The following ATRX variants were observed in gnomAD, a reference collection of about 807,000 sequenced individuals.
The protein encoded by ATRX is ATRX chromatin remodeler.
A neutral mutation model predicts 172.6 loss-of-function variants in ATRX; 12 were observed. That is an observed-to-expected ratio of 0.07 (90% CI 0.04 to 0.11). ATRX has a LOEUF of 0.11. Ranked by LOEUF, ATRX falls within the 10% of genes least tolerant of loss-of-function variation. ATRX has a pLI of 1.00. For synonymous variants in ATRX, 674 were observed against 594.7 expected (o/e 1.13, Z -1.94); for missense variants, 1,368 against 1,767.4 (o/e 0.77, Z 4.05).
chrX:77,565,391 AAGACAATCAAC>A (rs2065162595), intron 28 of ATRX, among the ~76,000 whole-genome samples: 2 of 112,580 alleles, frequency 1.8e-5, no homozygotes, highest in Admixed American at 1.9e-4. Flanking sequence ...TCAACGAGAA[AAGACAATCAAC>A]AGACACCAAC....
intron 1 of ATRX, among the ~76,000 whole-genome samples, chrX:77,785,262 G>A (rs892602200): frequency 9.0e-6 from 1 of 110,978 alleles, no homozygotes; most frequent in Non-Finnish European, 1.9e-5. Flanking sequence ...CCCAGAAAGT[G>A]GGGAAACACT....
chrX:77,592,454 T>A (rs1178392258), intron 26 of ATRX, among the ~76,000 whole-genome samples: 2 of 100,959 alleles, frequency 2.0e-5, no homozygotes, highest in Non-Finnish European at 4.0e-5. Context: ...CTTTTAAAAA[T>A]CGTTTATAAT....
At chrX:77,577,788 A>G (rs2065675337) in intron 27 of ATRX, among the ~76,000 whole-genome samples, 1 of 111,939 alleles carries the variant, frequency 8.9e-6, no homozygotes, top group Admixed American at 9.5e-5. Flanking sequence ...AGGAGGTGGA[A>G]TAAGATGGCT....
At chrX:77,768,603 TAGA>T (rs1427540770) in intron 1 of ATRX, among the ~76,000 whole-genome samples, 3 of 111,731 alleles carry the variant, frequency 2.7e-5, no homozygotes, top group African/African-American at 9.8e-5. Flanking sequence ...ATGTTTCCTT[TAGA>T]AGAAGACATT....
intron 2 of ATRX, among the ~76,000 whole-genome samples, chrX:77,700,568 C>A (rs1557152912): frequency 8.9e-6 from 1 of 112,379 alleles, no homozygotes; most frequent in African/African-American, 3.2e-5. Context: ...ATGTAAACAT[C>A]TTCATTTACT....
intron 1 of ATRX, among the ~76,000 whole-genome samples, chrX:77,725,255 T>C (rs190650127): frequency 2.7e-4 from 30 of 111,943 alleles, no homozygotes; most frequent in Admixed American, 2.2e-3. Flanking sequence ...AACAGCATGG[T>C]ACTGGTACCA....
chrX:77,739,217 T>C (rs1368886605), intron 1 of ATRX, among the ~76,000 whole-genome samples: 1 of 110,645 alleles, frequency 9.0e-6, no homozygotes, highest in Non-Finnish European at 1.9e-5. Flanking sequence ...AGCTCCTACT[T>C]ATGAGCGAGA....
At chrX:77,576,435 T>C (rs1442957310) in intron 27 of ATRX, among the ~76,000 whole-genome samples, 4 of 110,717 alleles carry the variant, frequency 3.6e-5, no homozygotes, top group African/African-American at 9.8e-5. Flanking sequence ...GTTAAAGATA[T>C]GCCAAAAACT....
chrX:77,525,643 T>A (rs2063355949), intron 30 of ATRX, among the ~76,000 whole-genome samples: 1 of 112,413 alleles, frequency 8.9e-6, no homozygotes, highest in Non-Finnish European at 1.9e-5. Flanking sequence ...GAAAACTGTA[T>A]ACTAGGAACT....
chrX:77,578,880 T>C (rs1405252719), intron 27 of ATRX, among the ~76,000 whole-genome samples: 1 of 111,882 alleles, frequency 8.9e-6, no homozygotes, highest in Non-Finnish European at 1.9e-5. Flanking sequence ...ATGGAATTTG[T>C]GGACTGAGCC....
intron 2 of ATRX, among the ~76,000 whole-genome samples, chrX:77,711,448 TA>T (rs1340668715): frequency 1.7e-4 from 19 of 112,325 alleles, no homozygotes; most frequent in African/African-American, 5.5e-4. Flanking sequence ...ACTGTCTAAG[TA>T]GAAAATCCCA....
At position 77,683,340 on chromosome X, in the gene ATRX, A is replaced by C. The variant is rs782466998; in HGVS notation, c.1916T>G (p.Leu639Trp). ...AAGTAATGAAACTTCATTTTCAACCAAATGCTCATTATCACTGTTTTCCTG... is the reference window on the plus strand; with the variant it reads ...AAGTAATGAAACTTCATTTTCAACCCAATGCTCATTATCACTGTTTTCCTG... ...LGQENSDNEH[L>W]VENEVSLLLE... The change falls in exon 9 of 35, where the codon TTG becomes TGG. Residue 639 changes from leucine (L) to tryptophan (W), a missense_variant. This residue lies in a region of ATRX where 843 missense variants were observed against 643.1 expected (regional missense o/e 1.31). Transcript: ENST00000373344. 3.3e-6 allele frequency: 4 copies of C among 1,211,273 alleles called. No individual in the cohort carries two copies. Among genetic ancestry groups the C allele is most frequent in the Non-Finnish European group, 3.4e-6 (3 of 895,335 alleles).
chrX:77,571,925 T>A (rs1421771027), intron 28 of ATRX, among the ~76,000 whole-genome samples: 1 of 111,830 alleles, frequency 8.9e-6, no homozygotes, highest in Non-Finnish European at 1.9e-5. Context: ...TATCTTAAAG[T>A]TTATTTTAAT....
chrX:77,757,666 G>A (rs2075554353), intron 1 of ATRX, among the ~76,000 whole-genome samples: 1 of 109,449 alleles, frequency 9.1e-6, no homozygotes, highest in Admixed American at 9.8e-5. Flanking sequence ...TAGAAGGAAA[G>A]TATTATCTTT....
intron 22 of ATRX, among the ~76,000 whole-genome samples, chrX:77,614,440 C>T (rs2067273903): frequency 8.9e-6 from 1 of 112,022 alleles, no homozygotes; most frequent in South Asian, 3.7e-4. Flanking sequence ...GATAATTTAA[C>T]AATCATATCT....
At chrX:77,625,288 A>T (rs782377143) in intron 19 of ATRX, among the ~76,000 whole-genome samples, 25 of 112,772 alleles carry the variant, frequency 2.2e-4, no homozygotes, top group South Asian at 3.6e-4. Context: ...AACTATAAAA[A>T]TTCTAGAAGA....
intron 34 of ATRX, among the ~76,000 whole-genome samples, chrX:77,514,721 G>A (rs541610969): frequency 1.8e-5 from 2 of 112,238 alleles, no homozygotes; most frequent in Admixed American, 1.9e-4. Flanking sequence ...TGATGAAGAT[G>A]CCAAAAGCAA....
At chrX:77,590,407 G>A (rs2066194553) in intron 26 of ATRX, among the ~76,000 whole-genome samples, 2 of 109,916 alleles carry the variant, frequency 1.8e-5, no homozygotes, top group South Asian at 4.0e-4. Flanking sequence ...TCAGGAGATC[G>A]AGACCATCCT....
At position 77,507,476 on chromosome X, in the gene ATRX, C is replaced by A. The variant is rs1557034057; in HGVS notation, c.*875G>T. The A allele has an allele frequency of 5.8e-6, 1 of 172,837 alleles. No homozygotes were observed. Among genetic ancestry groups the A allele is most frequent in the African/African-American group, 3.0e-5 (1 of 33,866 alleles). 14.2% of individuals were successfully genotyped at this position (172,837 alleles called of 1,213,427 possible). Reference sequence around the variant, plus strand: ...GCTAGAACTTGATTTTCTAAGTCCACATCCCACTGCCAGCAACAGGATGAA... The same window carrying A: ...GCTAGAACTTGATTTTCTAAGTCCAAATCCCACTGCCAGCAACAGGATGAA... On this transcript the variant is annotated 3_prime_UTR_variant, in exon 35 of 35. Coordinates refer to ENST00000373344, the MANE Select transcript of ATRX (RefSeq NM_000489.6).
Sources: gnomAD v4.1 joint callset for allele counts (sites outside exome capture counted in the v4.1 genomes callset) on GRCh38, gnomAD v4.1.1 for gene constraint, gnomAD v4.1.1 regional missense constraint, MANE v1.5 for transcripts, NCBI Gene and HGNC (gene_info 2026-07-23, HGNC 2026-07-21) for gene names.